Variants in NKAIN3 observed in about 807,000 individuals in gnomAD.
NKAIN3 encodes sodium/potassium transporting ATPase interacting 3, also known as sodium/potassium-transporting ATPase subunit beta-1-interacting protein 3.
Under a neutral mutation model 30.2 loss-of-function variants are expected in NKAIN3, and 25 were observed. The ratio of observed to expected loss-of-function variants is 0.83; its 90% CI spans 0.60 to 1.16. The LOEUF (loss-of-function observed/expected upper bound fraction) is 1.16. NKAIN3 is among the 50% of genes most tolerant of loss of function. The pLI is 0.00. For synonymous variants in NKAIN3, 91 were observed against 89.6 expected, an observed-to-expected ratio of 1.02 and a Z score of -0.09; for missense variants, 225 against 254.1, an observed-to-expected ratio of 0.89 and a Z score of 0.78.
intron 3 of NKAIN3, among the ~76,000 whole-genome samples, chr8:62,709,930 T>A (rs1268714245): frequency 6.6e-6 from 1 of 152,028 alleles, no homozygotes; most frequent in Non-Finnish European, 1.5e-5. Context: ...TCATTGTTGT[T>A]GTTCAGTTGG....
At chr8:62,750,811 T>A (rs192131350) in intron 4 of NKAIN3, among the ~76,000 whole-genome samples, 2 of 151,684 alleles carry the variant, frequency 1.3e-5, no homozygotes, top group Admixed American at 1.3e-4. Flanking sequence ...CATGCTGGAG[T>A]GGAGAAGTCA....
At chr8:62,776,833 T>C (rs1817205324) in intron 4 of NKAIN3, among the ~76,000 whole-genome samples, 2 of 152,200 alleles carry the variant, frequency 1.3e-5, no homozygotes, top group South Asian at 4.1e-4. Flanking sequence ...TTCTCACTCA[T>C]TAATGACATT....
intron 4 of NKAIN3, among the ~76,000 whole-genome samples, chr8:62,914,625 T>G (rs1822026056): frequency 6.6e-6 from 1 of 152,200 alleles, no homozygotes; most frequent in African/African-American, 2.4e-5. Context: ...TATCAAAAGA[T>G]GGCATTTGCT....
chr8:62,412,176 A>G (rs1804258917), intron 1 of NKAIN3, among the ~76,000 whole-genome samples: 1 of 152,218 alleles, frequency 6.6e-6, no homozygotes, highest in Admixed American at 6.5e-5. Context: ...TATACTATAA[A>G]GATATAGTAA....
At chr8:62,677,743 C>A (rs1287662572) in intron 3 of NKAIN3, among the ~76,000 whole-genome samples, 1 of 152,164 alleles carries the variant, frequency 6.6e-6, no homozygotes, top group Non-Finnish European at 1.5e-5. Flanking sequence ...AATCTTAAAT[C>A]CTCTCACTTC....
At chr8:62,387,582 C>T (rs1255171298) in intron 1 of NKAIN3, among the ~76,000 whole-genome samples, 1 of 152,174 alleles carries the variant, frequency 6.6e-6, no homozygotes, top group East Asian at 1.9e-4. Flanking sequence ...GTGTGTTCAT[C>T]ATCACCTTAG....
chr8:62,780,774 A>G (rs1423889319), intron 4 of NKAIN3, among the ~76,000 whole-genome samples: 3 of 152,110 alleles, frequency 2.0e-5, no homozygotes, highest in East Asian at 3.8e-4. Context: ...AAAGTTAGGC[A>G]TAGAAGAAAC....
chr8:62,620,652 G>A (rs1330870495), intron 3 of NKAIN3, among the ~76,000 whole-genome samples: 1 of 152,116 alleles, frequency 6.6e-6, no homozygotes, highest in Non-Finnish European at 1.5e-5. Context: ...AAGAAAGGTA[G>A]TTTGGAAAGA....
intron 1 of NKAIN3, among the ~76,000 whole-genome samples, chr8:62,471,603 A>G (rs1806348194): frequency 6.6e-6 from 1 of 152,186 alleles, no homozygotes; most frequent in African/African-American, 2.4e-5. Context: ...AAAAGATATC[A>G]AATTTCAGCT....
chr8:62,745,291 C>T (rs114142587), intron 3 of NKAIN3, among the ~76,000 whole-genome samples: 1,548 of 152,326 alleles, frequency 0.01, 28 homozygotes, highest in African/African-American at 0.034. Context: ...GCATAGTCTG[C>T]GGGCAGCCTC....
At chr8:62,527,882 G>GGTGTGTGTGTGTGTGTGTGTGT (rs68020312) in intron 1 of NKAIN3, among the ~76,000 whole-genome samples, 4 of 143,688 alleles carry the variant, frequency 2.8e-5, no homozygotes, top group Non-Finnish European at 4.6e-5. Flanking sequence ...ACTTTTTTTT[G>GGTGTGTGTGTGTGTGTGTGTGT]GTGTGTGTGT....
At chr8:62,683,325 C>T (rs541975661) in intron 3 of NKAIN3, among the ~76,000 whole-genome samples, 17 of 152,284 alleles carry the variant, frequency 1.1e-4, no homozygotes, top group African/African-American at 4.1e-4. Flanking sequence ...TGAGCCACCA[C>T]GCCTGGCCAC....
At chr8:62,460,424 A>G (rs369412440) in intron 1 of NKAIN3, among the ~76,000 whole-genome samples, 8 of 152,012 alleles carry the variant, frequency 5.3e-5, no homozygotes, top group South Asian at 2.1e-4. Flanking sequence ...AAAAAAAAAA[A>G]AAAGAAAGAA....
intron 1 of NKAIN3, among the ~76,000 whole-genome samples, chr8:62,470,161 A>G (rs981854440): frequency 2.0e-5 from 3 of 152,202 alleles, no homozygotes; most frequent in African/African-American, 4.8e-5. Flanking sequence ...GCAAGTGTGC[A>G]TTATTCTCAT....
In NKAIN3 at chr8:62,970,022, G is replaced by GT. The variant is rs1266367942; in HGVS notation, c.*4616dup. Among the ~76,000 whole-genome samples the GT allele has an allele frequency of 2.6e-5, 4 of 151,844 alleles. No individual in the cohort carries two copies. The highest frequency in any genetic ancestry group is 5.9e-5 in the Non-Finnish European group (4 of 67,970). On this transcript the variant is annotated 3_prime_UTR_variant, in exon 7 of 7. Transcript: ENST00000623646. The stretch of plus-strand genomic sequence containing the variant: ...CCAGCTTGGGCAAAATAGTGAGACC[G>GT]TATCTCTACAAAAACAAACAAATAA...
chr8:62,771,477 G>GA (rs1264718715), intron 4 of NKAIN3, among the ~76,000 whole-genome samples: 1 of 151,832 alleles, frequency 6.6e-6, no homozygotes, highest in South Asian at 2.1e-4. Flanking sequence ...TCAATTTGAT[G>GA]AAAAAATAAT....
chr8:62,865,867 G>A (rs188618340), intron 4 of NKAIN3, among the ~76,000 whole-genome samples: 30 of 152,240 alleles, frequency 2.0e-4, no homozygotes, highest in Admixed American at 1.8e-3. Flanking sequence ...CAAGTCTTGA[G>A]TTCTATGTAG....
intron 1 of NKAIN3, among the ~76,000 whole-genome samples, chr8:62,511,798 A>G (rs1055275169): frequency 1.3e-5 from 2 of 151,902 alleles, no homozygotes; most frequent in Non-Finnish European, 2.9e-5. Context: ...ACTAGCTGCT[A>G]CTCCTCTATC....
At chr8:62,452,531 A>C (rs1481396302) in intron 1 of NKAIN3, among the ~76,000 whole-genome samples, 1 of 152,160 alleles carries the variant, frequency 6.6e-6, no homozygotes, top group Admixed American at 6.5e-5. Context: ...ATTTACTTTT[A>C]TTTTGTGGTG....
Sources: allele counts gnomAD v4.1 joint callset (sites outside exome capture counted in the v4.1 genomes callset), GRCh38; gene constraint gnomAD v4.1.1; transcripts MANE v1.5; gene names NCBI Gene and HGNC (gene_info 2026-07-23, HGNC 2026-07-21).